Variants in RND2 observed in about 807,000 individuals in gnomAD.
The protein encoded by RND2 is rho-related GTP-binding protein RhoN.
RND2 carries 16 observed loss-of-function variants against 25.9 expected under a neutral mutation model. The ratio of observed to expected loss-of-function variants is 0.62; its 90% CI spans 0.42 to 0.94. RND2 has a LOEUF of 0.94. Among genes scored for constraint, RND2 ranks in the 40% least tolerant of loss-of-function variants. The pLI is 0.00. For missense variants in RND2, 276 were observed against 305.5 expected, an observed-to-expected ratio of 0.90 and a Z score of 0.72; for synonymous variants, 97 against 118.1, an observed-to-expected ratio of 0.82 and a Z score of 1.16.
Position 43,029,904 on chromosome 17 carries a change from CAA to C in RND2, c.*1247_*1248del, listed in dbSNP as rs56288510. On this transcript the variant is annotated 3_prime_UTR_variant, in exon 5 of 5. Coordinates refer to ENST00000587250, the MANE Select transcript of RND2 (RefSeq NM_005440.5). ...GGATGACAGAGCAAGACTCTGTCTC[CAA>C]AAAAAAAAAAAAAAAAAAAAAAGAA... 4.8e-4 allele frequency: 27 copies of C among 55,712 alleles called. No homozygotes were observed. The South Asian group carries it at 6.1e-3, about 13-fold the overall frequency. 3.5% of individuals were successfully genotyped at this position (55,712 alleles called of 1,614,324 possible).
At chr17:43,027,389 G>A (rs1486920871) in intron 3 of RND2, 97 bp downstream of exon 3, 6 of 787,830 alleles carry the variant, frequency 7.6e-6, no homozygotes, top group Non-Finnish European at 1.2e-5. Context: ...GATGGCTGGG[G>A]TATGGCCATC....
chr17:43,025,483 A>T, intron 1 of RND2, 34 bp downstream of exon 1: 11 of 1,148,632 alleles, frequency 9.6e-6, no homozygotes, highest in East Asian at 3.8e-5. Flanking sequence ...GGGGACGCTA[A>T]GGCTGCTGGG....
rs1317842622 is a variant in RND2, at chr17:43,030,641, G to A, written c.*1961G>A. 6.6e-6 allele frequency: 1 copy of A among 152,354 alleles called. No individual in the cohort carries two copies. The highest frequency in any genetic ancestry group is 2.4e-5 in the African/African-American group (1 of 41,398). The allele number at this position is 152,354 out of a possible 1,614,324, so 9.4% of individuals were successfully genotyped here. On this transcript the variant is annotated 3_prime_UTR_variant, in exon 5 of 5. Transcript: ENST00000587250. ...GGTTGAAGAGGAGTTTTCCGGGCAG[G>A]GAAGGGGTAGGAAAGGCACTCTGGG...
intron 1 of RND2, 41 bp downstream of exon 1, chr17:43,025,490 T>TG: frequency 1.2e-6 from 1 of 818,764 alleles, no homozygotes; most frequent in East Asian, 7.6e-5. Flanking sequence ...CTAAGGCTGC[T>TG]GGGGGGTGGG....
chr17:43,026,018 G>T lies in RND2; in HGVS notation c.161G>T (p.Arg54Leu), dbSNP rs1182099592. ...GCGAGCTTTGAGATCGACAAGCGCC[G>T]CATTGAGCTCAACATGTGGGACACT... ...YTASFEIDKR[R>L]IELNMWDTSG... The change falls in exon 2 of 5, where the codon CGC (arginine) becomes CTC (leucine). Residue 54 changes from arginine to leucine, a missense_variant. Arg to Leu is a moderately radical substitution (Grantham distance 102). Transcript: ENST00000587250. 3 of 1,612,554 alleles carry T rather than the reference G, an allele frequency of 1.9e-6. No homozygotes were observed. Among genetic ancestry groups the T allele is most frequent in the Non-Finnish European group, 2.5e-6 (3 of 1,178,938 alleles).
At chr17:43,028,265 G>C in intron 4 of RND2, 70 bp downstream of exon 4, 1 of 1,604,638 alleles carries the variant, frequency 6.2e-7, no homozygotes, top group Non-Finnish European at 8.5e-7. Flanking sequence ...TCTCTGATTT[G>C]AAAACACCTT....
In RND2 at chr17:43,030,447, C is replaced by T. The variant is rs1286147825; in HGVS notation, c.*1767C>T. 2 of 152,666 alleles carry T rather than the reference C, an allele frequency of 1.3e-5. No homozygotes were observed. The highest frequency in any genetic ancestry group is 4.8e-5 in the African/African-American group (2 of 41,442). The allele number at this position is 152,666 out of a possible 1,614,324, so 9.5% of individuals were successfully genotyped here. On this transcript the variant is annotated 3_prime_UTR_variant, in exon 5 of 5. Coordinates refer to ENST00000587250, the MANE Select transcript of RND2 (RefSeq NM_005440.5). ...ACACCAACTGTGTGGCATACACTGG[C>T]TTGGGAGATTGCAAGGACCAGTCTC...
chr17:43,028,156 G>A lies in RND2; in HGVS notation c.396G>A (p.Glu132=). Residue 132 remains glutamate, a synonymous_variant, in exon 4 of 5, where the codon GAG becomes GAA. Transcript: ENST00000587250. The stretch of plus-strand genomic sequence containing the variant: ...GGACTGACCTGGCCACACTGAGGGA[G>A]CTGTCCAAGCAGAGGCTTATCCCTG... ...DMRTDLATLR[E]LSKQRLIPVT... 6.2e-7 allele frequency: 1 copy of A among 1,614,198 alleles called. No individual in the cohort carries two copies. Among genetic ancestry groups the A allele is most frequent in the Non-Finnish European group, 8.5e-7 (1 of 1,180,026 alleles).
Position 43,031,344 on chromosome 17 carries a change from C to T in RND2, c.*2664C>T, listed in dbSNP as rs1162364648. 6.6e-6 allele frequency: 1 copy of T among 152,146 alleles called. No homozygotes were observed. The allele number at this position is 152,146 out of a possible 1,614,324, so 9.4% of individuals were successfully genotyped here. A position where few individuals can be genotyped will look rare whatever the true frequency, so the allele number is the denominator to read the frequency against. ...CTAAGTGTGCTTGGATAACCACCCC[C>T]TCAAACTGAGACCTGGTTAGGGACT... On this transcript the variant is annotated 3_prime_UTR_variant, in exon 5 of 5. Transcript: ENST00000587250.
intron 2 of RND2, 47 bp from the exon 3 acceptor site, chr17:43,027,136 C>A: frequency 7.9e-7 from 1 of 1,267,698 alleles, no homozygotes; most frequent in Non-Finnish European, 1.1e-6. Flanking sequence ...CCATTCCCTT[C>A]CAGGCCTCCC....
rs1364970800 is a variant in RND2, at chr17:43,030,965, C to T, written c.*2285C>T. The T allele has an allele frequency of 6.6e-6, 1 of 151,884 alleles. No homozygotes were observed. The highest frequency in any genetic ancestry group is 2.4e-5 in the African/African-American group (1 of 41,328). 9.4% of individuals were successfully genotyped at this position (151,884 alleles called of 1,614,324 possible). On this transcript the variant is annotated 3_prime_UTR_variant, in exon 5 of 5. Transcript: ENST00000587250. ...TGAGGTGTGTCATTTAAAATAATAG[C>T]TTCTCGGCAGTGGCTCACACCTATA...
intron 2 of RND2, 97 bp downstream of exon 2, chr17:43,026,144 C>T (rs979372177): frequency 5.9e-5 from 43 of 725,436 alleles, no homozygotes; most frequent in Non-Finnish European, 9.8e-5. Context: ...CCCAGCCCAT[C>T]CATCCAATTC....
rs1224471922 is a variant in RND2 at position 43,025,343 on chromosome 17, G to A, written c.-5G>A. The stretch of plus-strand genomic sequence containing the variant: ...GGCGTGGGGGACCGGCGCGTAGCCG[G>A]GACCATGGAGGGGCAGAGCGGCCGC... On this transcript the variant is annotated 5_prime_UTR_variant, in exon 1 of 5. Transcript: ENST00000587250. The A allele has an allele frequency of 6.5e-7, 1 of 1,539,028 alleles. No homozygotes were observed. Among genetic ancestry groups the A allele is most frequent in the African/African-American group, 1.4e-5 (1 of 72,356 alleles).
intron 1 of RND2, 49 bp from the exon 2 acceptor site, chr17:43,025,911 G>T: frequency 7.1e-7 from 1 of 1,417,640 alleles, no homozygotes; most frequent in Middle Eastern, 1.8e-4. Context: ...ATTTATCTGG[G>T]GTGAGGACTT....
At position 43,028,715 on chromosome 17, in the gene RND2, G is replaced by C. The variant is rs1490491512; in HGVS notation, c.*35G>C. ...AGAGGGCAGAGTGTGAAGAGGGGTG[G>C]TGAGGGACACAATTGTTCCCCTGCC... On this transcript the variant is annotated 3_prime_UTR_variant, in exon 5 of 5. Coordinates refer to ENST00000587250, the MANE Select transcript of RND2 (RefSeq NM_005440.5). The C allele has an allele frequency of 6.6e-7, 1 of 1,524,760 alleles. No homozygotes were observed. The highest frequency in any genetic ancestry group is 1.2e-5 in the South Asian group (1 of 82,984). The allele number at this position is 1,524,760 out of a possible 1,614,324, so 94.5% of individuals were successfully genotyped here. A position where few individuals can be genotyped will look rare whatever the true frequency, so the allele number is the denominator to read the frequency against.
In RND2 at chr17:43,028,207, G is replaced by C; in HGVS notation, c.435+12G>C. The stretch of plus-strand genomic sequence containing the variant: ...TTACACATGAGCAGGTGGGACCCTT[G>C]ACGTCTGACCTCATCCCAGCCTAGA... On this transcript the variant is annotated intron_variant, in intron 4 of 4. Coordinates refer to ENST00000587250, the MANE Select transcript of RND2 (RefSeq NM_005440.5). The C allele has an allele frequency of 1.2e-6, 2 of 1,614,092 alleles. No individual in the cohort carries two copies. The highest frequency in any genetic ancestry group is 2.2e-5 in the South Asian group (2 of 91,076).
chr17:43,025,827 T>G (rs1374312530), intron 1 of RND2, 133 bp from the exon 2 acceptor site: 4 of 138,438 alleles, frequency 2.9e-5, no homozygotes, highest in South Asian at 9.4e-5. Flanking sequence ...GCTCCCGGGA[T>G]CTCCCCTTTG....
chr17:43,027,807 A>G (rs1597788819), intron 3 of RND2, among the ~76,000 whole-genome samples: 1 of 151,936 alleles, frequency 6.6e-6, no homozygotes, highest in African/African-American at 2.4e-5. Flanking sequence ...AGGCTGGCAG[A>G]CCCTTCATAG....
At position 43,027,947 on chromosome 17, in the gene RND2, G is replaced by A. The variant is rs988069861; in HGVS notation, c.301-114G>A. ...TTCCTCATGTGGGAGAGTCCTGAGG[G>A]ATACATGGTTTCTGCGTGCTTGAGG... On this transcript the variant is annotated intron_variant, in intron 3 of 4. Transcript: ENST00000587250. The A allele has an allele frequency of 9.6e-6, 12 of 1,245,628 alleles. No individual in the cohort carries two copies. In the African/African-American group the frequency reaches 1.8e-4, roughly 19 times the overall value. 77.2% of individuals were successfully genotyped at this position (1,245,628 alleles called of 1,614,324 possible).
Sources: gnomAD v4.1 joint callset for allele counts (sites outside exome capture counted in the v4.1 genomes callset) on GRCh38, gnomAD v4.1.1 for gene constraint, MANE v1.5 for transcripts, NCBI Gene and HGNC (gene_info 2026-07-23, HGNC 2026-07-21) for gene names.